DCC: variants seen among roughly 807,000 people sequenced by gnomAD.
DCC encodes the protein DCC netrin 1 receptor, also known as netrin receptor DCC.
In DCC, 58 loss-of-function variants were observed where a neutral mutation model predicts 172.5. The ratio of observed to expected loss-of-function variants is 0.34; its 90% CI spans 0.27 to 0.42. The LOEUF is 0.42. DCC is among the 10% of genes least tolerant of loss of function. DCC has a pLI of 1.00. For synonymous variants in DCC, 709 were observed against 644.5 expected (o/e 1.10, Z -1.52); for missense variants, 1,740 against 1,791.0 (o/e 0.97, Z 0.51).
At position 53,393,660 on chromosome 18, in the gene DCC, G is replaced by T. The variant is rs79298094; in HGVS notation, c.2688+1773G>T. Among the ~76,000 whole-genome samples, 902 of 152,268 alleles carry T rather than the reference G, an allele frequency of 5.9e-3. 61 individuals carry two copies. The East Asian group carries it at 0.15, about 26-fold the overall frequency. ...TACATTCATTTCACAGAATGGCCAT[G>T]GCGACTTTGCCAGAATGTGAAATGT... is the stretch of plus-strand genomic sequence containing the variant. On this transcript the variant is annotated intron_variant, in intron 17 of 28. Coordinates refer to ENST00000442544, the MANE Select transcript of DCC (RefSeq NM_005215.4).
chr18:52,375,982 A>G (rs1418117049), intron 1 of DCC, among the ~76,000 whole-genome samples: 1 of 152,162 alleles, frequency 6.6e-6, no homozygotes, highest in Non-Finnish European at 1.5e-5. Flanking sequence ...CTTTAGAAGT[A>G]ATCAGTGAGA....
chr18:53,444,414 T>C (rs1912463389), intron 22 of DCC, among the ~76,000 whole-genome samples: 1 of 152,094 alleles, frequency 6.6e-6, no homozygotes. Flanking sequence ...CAAGAGAATC[T>C]CTTGAACCCA....
At chr18:52,923,061 C>T (rs2040148705) in intron 3 of DCC, among the ~76,000 whole-genome samples, 1 of 152,020 alleles carries the variant, frequency 6.6e-6, no homozygotes, top group Admixed American at 6.6e-5. Context: ...CCTTCACTGA[C>T]CCAGGGTTTC....
intron 6 of DCC, among the ~76,000 whole-genome samples, chr18:53,064,988 T>C (rs2042546404): frequency 6.6e-6 from 1 of 152,222 alleles, no homozygotes; most frequent in Admixed American, 6.6e-5. Context: ...CCAACCAATT[T>C]AAATTCTTCT....
chr18:52,945,175 C>T (rs1297171584), intron 5 of DCC, among the ~76,000 whole-genome samples: 1 of 152,162 alleles, frequency 6.6e-6, no homozygotes, highest in Non-Finnish European at 1.5e-5. Flanking sequence ...ATGCCCCCAA[C>T]CTCTGTTGCT....
intron 7 of DCC, among the ~76,000 whole-genome samples, chr18:53,146,971 T>A (rs1231969384): frequency 6.6e-6 from 1 of 152,188 alleles, no homozygotes; most frequent in Admixed American, 6.5e-5. Context: ...AAAAGACCCA[T>A]CTTTTCTAGA....
rs372885437 is a variant in DCC at position 53,300,962 on chromosome 18, ATTCTTTCT to A, written c.1912-4593_1912-4586del. Among the ~76,000 whole-genome samples the A allele has an allele frequency of 1.6e-3, 190 of 120,314 alleles. 2 individuals carry two copies. Among genetic ancestry groups the A allele is most frequent in the African/African-American group, 5.0e-3 (174 of 34,648 alleles). The allele number at this position is 120,314 out of a possible 152,430, so 78.9% of individuals were successfully genotyped here. On this transcript the variant is annotated intron_variant, in intron 12 of 28. Transcript: ENST00000442544. ...ATTATTTGACGTTGGTTCTGGATTC[ATTCTTTCT>A]TTCTTTCTTTCTTTCTTTCTTTTTT... is the stretch of plus-strand genomic sequence containing the variant.
At chr18:52,444,049 TTC>T (rs1036542285) in intron 1 of DCC, among the ~76,000 whole-genome samples, 4 of 152,112 alleles carry the variant, frequency 2.6e-5, no homozygotes, top group Non-Finnish European at 5.9e-5. Flanking sequence ...TGCCCGGGAT[TTC>T]TGTCTCAAGA....
intron 5 of DCC, among the ~76,000 whole-genome samples, chr18:53,029,484 T>C (rs954524635): frequency 2.0e-5 from 3 of 152,172 alleles, no homozygotes; most frequent in Admixed American, 6.6e-5. Flanking sequence ...CAATTATACC[T>C]TCTCCATGAT....
chr18:53,055,616 A>C (rs1361225726), intron 5 of DCC, among the ~76,000 whole-genome samples: 1 of 152,158 alleles, frequency 6.6e-6, no homozygotes, highest in African/African-American at 2.4e-5. Flanking sequence ...ACTTAACCTA[A>C]ATGTTTAGAC....
At chr18:52,596,068 C>T (rs2033904333) in intron 1 of DCC, among the ~76,000 whole-genome samples, 1 of 152,184 alleles carries the variant, frequency 6.6e-6, no homozygotes, top group Admixed American at 6.5e-5. Context: ...GTATGTTTTA[C>T]AACTATTGGC....
rs540281966 is a variant in DCC at position 52,671,521 on chromosome 18, C to T, written c.92-80533C>T. Among the ~76,000 whole-genome samples the T allele has an allele frequency of 2.0e-5, 3 of 147,774 alleles. No individual in the cohort carries two copies. In the South Asian group the frequency reaches 6.4e-4, roughly 32 times the overall value. ...CCGTCACAATAGCATTGCTCAGTAT[C>T]ATATGCCAACCTTTTTTTTTTTTTT... On this transcript the variant is annotated intron_variant, in intron 1 of 28. Transcript: ENST00000442544.
At chr18:52,511,771 A>G (rs938416561) in intron 1 of DCC, among the ~76,000 whole-genome samples, 1 of 152,208 alleles carries the variant, frequency 6.6e-6, no homozygotes, top group Non-Finnish European at 1.5e-5. Context: ...CAGATATTAA[A>G]CAATTTATTT....
At chr18:53,082,400 A>G (rs1568291590) in intron 7 of DCC, among the ~76,000 whole-genome samples, 1 of 152,134 alleles carries the variant, frequency 6.6e-6, no homozygotes, top group African/African-American at 2.4e-5. Context: ...TTTCTCTTTT[A>G]GGGTAACACT....
At chr18:52,623,208 T>C (rs2034512606) in intron 1 of DCC, among the ~76,000 whole-genome samples, 2 of 152,214 alleles carry the variant, frequency 1.3e-5, no homozygotes, top group South Asian at 4.1e-4. Context: ...GAGTTGGACA[T>C]GAGGAAGAAA....
At chr18:53,162,655 GTTC>G (rs1050356794) in intron 8 of DCC, among the ~76,000 whole-genome samples, 3 of 152,076 alleles carry the variant, frequency 2.0e-5, no homozygotes, top group Admixed American at 6.6e-5. Context: ...TGCCTAGGAT[GTTC>G]TTCTCCTCAG....
intron 2 of DCC, among the ~76,000 whole-genome samples, chr18:52,820,935 A>T (rs1218333184): frequency 6.6e-6 from 1 of 152,056 alleles, no homozygotes; most frequent in Non-Finnish European, 1.5e-5. Flanking sequence ...GAACAGCTGA[A>T]CTCACCTGGA....
intron 7 of DCC, 129 bp downstream of exon 7, chr18:53,066,295 G>T (rs556718923): frequency 2.7e-6 from 2 of 751,508 alleles, no homozygotes; most frequent in South Asian, 1.5e-5. Flanking sequence ...GTTAATTAAG[G>T]TGTATACTTG....
intron 12 of DCC, among the ~76,000 whole-genome samples, chr18:53,253,058 T>C (rs2056458777): frequency 6.6e-6 from 1 of 151,938 alleles, no homozygotes; most frequent in African/African-American, 2.4e-5. Context: ...ATCAAAAATA[T>C]CATTGTATGT....
Sources: gnomAD v4.1 joint callset for allele counts (sites outside exome capture counted in the v4.1 genomes callset) on GRCh38, gnomAD v4.1.1 for gene constraint, MANE v1.5 for transcripts, NCBI Gene and HGNC (gene_info 2026-07-23, HGNC 2026-07-21) for gene names.